PARD3: variants seen among roughly 807,000 people sequenced by gnomAD.
PARD3 encodes the protein par-3 family cell polarity regulator.
In PARD3, 75 loss-of-function variants were observed where a neutral mutation model predicts 155.4. That is an observed-to-expected ratio of 0.48 (90% CI 0.40 to 0.58). PARD3 has a LOEUF of 0.58. Ranked by LOEUF, PARD3 falls within the 20% of genes least tolerant of loss-of-function variation. The pLI is 0.00. For missense variants in PARD3, 1,642 were observed against 1,721.7 expected, an observed-to-expected ratio of 0.95 and a Z score of 0.82; for synonymous variants, 576 against 610.5, an observed-to-expected ratio of 0.94 and a Z score of 0.83.
chr10:34,795,610 A>T (rs931024209), intron 1 of PARD3, among the ~76,000 whole-genome samples: 3 of 148,180 alleles, frequency 2.0e-5, no homozygotes, highest in Non-Finnish European at 4.5e-5. Context: ...ACCCTGTCTC[A>T]AAAAAAAACC....
intron 2 of PARD3, among the ~76,000 whole-genome samples, chr10:34,638,119 G>A (rs1267022659): frequency 6.6e-6 from 1 of 152,124 alleles, no homozygotes; most frequent in Admixed American, 6.5e-5. Context: ...GTGGAGAGTG[G>A]ACTAAAGGAG....
At chr10:34,389,514 T>C (rs1050543933) in intron 7 of PARD3, among the ~76,000 whole-genome samples, 2 of 152,226 alleles carry the variant, frequency 1.3e-5, no homozygotes, top group Non-Finnish European at 2.9e-5. Flanking sequence ...AAATGTTTTA[T>C]TGACATCCAA....
chr10:34,328,825 T>C (rs979763557), intron 19 of PARD3, among the ~76,000 whole-genome samples: 25 of 152,162 alleles, frequency 1.6e-4, no homozygotes, highest in Non-Finnish European at 1.9e-4. Flanking sequence ...ACAACCAAAA[T>C]TGGAAAAGTT....
chr10:34,236,468 T>C (rs1390536117), intron 22 of PARD3, among the ~76,000 whole-genome samples: 2 of 152,210 alleles, frequency 1.3e-5, no homozygotes, highest in Non-Finnish European at 2.9e-5. Flanking sequence ...AACAACATTT[T>C]CCGATAATGA....
At chr10:34,725,589 G>A (rs1418414462) in intron 1 of PARD3, among the ~76,000 whole-genome samples, 1 of 152,108 alleles carries the variant, frequency 6.6e-6, no homozygotes, top group Non-Finnish European at 1.5e-5. Context: ...GTTATTCATC[G>A]TAAAAATCTA....
At chr10:34,182,015 CT>C (rs1277577800) in intron 22 of PARD3, among the ~76,000 whole-genome samples, 1 of 152,186 alleles carries the variant, frequency 6.6e-6, no homozygotes, top group Non-Finnish European at 1.5e-5. Flanking sequence ...TTTACTTCGG[CT>C]AACACTGCTC....
At chr10:34,309,471 T>C (rs1184311971) in intron 20 of PARD3, among the ~76,000 whole-genome samples, 1 of 134,856 alleles carries the variant, frequency 7.4e-6, no homozygotes, top group Non-Finnish European at 1.5e-5. Context: ...GGTGGGAGCA[T>C]CACTTGAGCC....
intron 2 of PARD3, among the ~76,000 whole-genome samples, chr10:34,648,731 C>A (rs931797777): frequency 6.6e-6 from 1 of 152,224 alleles, no homozygotes; most frequent in African/African-American, 2.4e-5. Flanking sequence ...ACCAGTACCA[C>A]ACAGTGGTCT....
intron 18 of PARD3, among the ~76,000 whole-genome samples, chr10:34,332,688 TGAA>T (rs1355454576): frequency 6.6e-6 from 1 of 152,180 alleles, no homozygotes; most frequent in Non-Finnish European, 1.5e-5. Flanking sequence ...ATGATTCTAA[TGAA>T]GAAATAATAT....
At chr10:34,698,438 C>T (rs893477316) in intron 1 of PARD3, among the ~76,000 whole-genome samples, 14 of 152,240 alleles carry the variant, frequency 9.2e-5, no homozygotes, top group African/African-American at 3.4e-4. Flanking sequence ...CCTTACCCTC[C>T]AGGCCAGCCC....
chr10:34,193,141 T>C (rs545241123), intron 22 of PARD3, among the ~76,000 whole-genome samples: 1 of 152,366 alleles, frequency 6.6e-6, no homozygotes. Context: ...TAAACATTTC[T>C]TTACATGCTA....
At chr10:34,129,145 C>T (rs77106748) in intron 23 of PARD3, among the ~76,000 whole-genome samples, 379 of 152,142 alleles carry the variant, frequency 2.5e-3, no homozygotes, top group African/African-American at 8.7e-3. Context: ...GACATCCAAT[C>T]ATTTATTCTT....
At chr10:34,131,728 T>A (rs1003810462) in intron 22 of PARD3, 145 bp from the exon 23 acceptor site, 2 of 690,200 alleles carry the variant, frequency 2.9e-6, no homozygotes, top group African/African-American at 3.6e-5. Context: ...GCATTTAAAA[T>A]ATGTTTTCAT....
intron 14 of PARD3, among the ~76,000 whole-genome samples, chr10:34,356,033 A>G (rs547836784): frequency 4.0e-4 from 61 of 152,068 alleles, no homozygotes; most frequent in Non-Finnish European, 7.2e-4. Flanking sequence ...AGAAAAGAGG[A>G]ACCCTTAGAG....
chr10:34,699,303 CCAACAG>C, intron 1 of PARD3, among the ~76,000 whole-genome samples: 1 of 151,362 alleles, frequency 6.6e-6, no homozygotes, highest in East Asian at 1.9e-4. Context: ...AACAGTAACC[CCAACAG>C]AGCATGCTGC....
rs1401992438 is a variant in PARD3 at position 34,766,095 on chromosome 10, C to T, written c.120+48781G>A. 2.0e-5 allele frequency among the ~76,000 whole-genome samples: 3 copies of T among 152,186 alleles called. No homozygotes were observed. In the East Asian group the frequency reaches 5.8e-4, roughly 29 times the overall value. The stretch of plus-strand genomic sequence containing the variant: ...CCTTTTAGTGTTATGAATCAACAGT[C>T]CAAGTTAACAGTGCATTTATTAATG... On this transcript the variant is annotated intron_variant, in intron 1 of 24. Coordinates refer to ENST00000374788, the MANE Select transcript of PARD3 (RefSeq NM_001184785.2).
chr10:34,671,465 T>C (rs1590552785), intron 2 of PARD3, among the ~76,000 whole-genome samples: 1 of 152,216 alleles, frequency 6.6e-6, no homozygotes, highest in South Asian at 2.1e-4. Context: ...AAAAAAACTT[T>C]AAAATTCTTT....
intron 23 of PARD3, among the ~76,000 whole-genome samples, chr10:34,128,719 T>A (rs1947426554): frequency 6.6e-6 from 1 of 152,206 alleles, no homozygotes; most frequent in African/African-American, 2.4e-5. Context: ...GGTCACTAAA[T>A]CCCTTAATGA....
At chr10:34,114,221 C>T (rs1418339491) in intron 24 of PARD3, among the ~76,000 whole-genome samples, 2 of 152,008 alleles carry the variant, frequency 1.3e-5, no homozygotes, top group Non-Finnish European at 2.9e-5. Flanking sequence ...GTGATTGCAC[C>T]ACTGCACTGC....
Sources: allele counts gnomAD v4.1 joint callset (sites outside exome capture counted in the v4.1 genomes callset), GRCh38; gene constraint gnomAD v4.1.1; transcripts MANE v1.5; gene names NCBI Gene and HGNC (gene_info 2026-07-23, HGNC 2026-07-21).